Variants in GALNT13 observed in about 807,000 individuals in gnomAD.
GALNT13 encodes the protein UDP-GalNAc:polypeptide N-acetylgalactosaminyltransferase 13.
Under a neutral mutation model 64.2 loss-of-function variants are expected in GALNT13, and 28 were observed. That is an observed-to-expected ratio of 0.44 (90% CI 0.32 to 0.60). GALNT13 has a LOEUF of 0.60. Among genes scored for constraint, GALNT13 ranks in the 20% least tolerant of loss-of-function variants. GALNT13 has a pLI of 0.05. For synonymous variants in GALNT13, 214 were observed against 224.6 expected, an observed-to-expected ratio of 0.95 and a Z score of 0.42; for missense variants, 577 against 669.8, an observed-to-expected ratio of 0.86 and a Z score of 1.53.
intron 12 of GALNT13, among the ~76,000 whole-genome samples, chr2:154,449,863 G>T (rs1184977131): frequency 6.6e-6 from 1 of 151,832 alleles, no homozygotes. Flanking sequence ...CTATTGTAAG[G>T]ATTTTATCAA....
At chr2:153,290,590 T>A in the GALNT13 span, among the ~76,000 whole-genome samples, 1 of 152,184 alleles carries the variant, frequency 6.6e-6, no homozygotes, top group Non-Finnish European at 1.5e-5. Context: ...TCTCCTTATT[T>A]TGTTTATTGT....
chr2:153,790,745 C>T, the GALNT13 span, among the ~76,000 whole-genome samples: 1 of 152,318 alleles, frequency 6.6e-6, no homozygotes, highest in East Asian at 1.9e-4. Context: ...ATAAACACTT[C>T]AGCAAAGTTT....
chr2:154,425,477 A>G (rs894450539), intron 11 of GALNT13, among the ~76,000 whole-genome samples: 2 of 152,218 alleles, frequency 1.3e-5, no homozygotes, highest in Non-Finnish European at 2.9e-5. Context: ...ACTGGCATAA[A>G]GGGAAACTAT....
At chr2:153,152,985 C>G in the GALNT13 span, among the ~76,000 whole-genome samples, 1 of 152,282 alleles carries the variant, frequency 6.6e-6, no homozygotes, top group East Asian at 1.9e-4. Flanking sequence ...AATCACCACA[C>G]TGCCTTCCAC....
the GALNT13 span, among the ~76,000 whole-genome samples, chr2:153,147,933 A>G: frequency 6.6e-6 from 1 of 151,866 alleles, no homozygotes; most frequent in Non-Finnish European, 1.5e-5. Flanking sequence ...CCCAAGATCC[A>G]TTGTAGAACC....
chr2:153,737,997 A>G, the GALNT13 span, among the ~76,000 whole-genome samples: 1 of 151,994 alleles, frequency 6.6e-6, no homozygotes, highest in Non-Finnish European at 1.5e-5. Flanking sequence ...CTTGTGTTTA[A>G]CTATATCTAA....
chr2:153,519,833 T>A, the GALNT13 span, among the ~76,000 whole-genome samples: 1 of 152,176 alleles, frequency 6.6e-6, no homozygotes, highest in East Asian at 1.9e-4. Context: ...TTTGGGTTTG[T>A]TTTAGCACTT....
the GALNT13 span, chr2:153,593,280 G>C: frequency 6.6e-6 from 1 of 152,396 alleles, no homozygotes; most frequent in Non-Finnish European, 1.5e-5. Flanking sequence ...GTTTGCGTGA[G>C]AGCAGAGTGA....
chr2:154,389,616 G>A lies in GALNT13; in HGVS notation c.1157-6375G>A, dbSNP rs557343917. ...CATCTATTAGGGGAAGAATTTAACT[G>A]AAATAATTATTATCATTGAAATGCC... On this transcript the variant is annotated intron_variant, in intron 9 of 12. Coordinates refer to ENST00000392825, the MANE Select transcript of GALNT13 (RefSeq NM_052917.4). Among the ~76,000 whole-genome samples, 15 of 152,268 alleles carry A rather than the reference G, an allele frequency of 9.9e-5. No homozygotes were observed. In the South Asian group the frequency reaches 2.7e-3, roughly 27 times the overall value.
chr2:153,455,096 G>C, the GALNT13 span, among the ~76,000 whole-genome samples: 1 of 152,062 alleles, frequency 6.6e-6, no homozygotes, highest in Admixed American at 6.6e-5. Flanking sequence ...GGAAGGGTTG[G>C]GTAAGGAAGA....
At chr2:153,291,310 G>A in the GALNT13 span, among the ~76,000 whole-genome samples, 1 of 152,112 alleles carries the variant, frequency 6.6e-6, no homozygotes. Context: ...TATTAGTAGA[G>A]CAATGTTCAT....
At chr2:153,258,064 G>A in the GALNT13 span, among the ~76,000 whole-genome samples, 1 of 152,230 alleles carries the variant, frequency 6.6e-6, no homozygotes, top group Admixed American at 6.5e-5. Flanking sequence ...AGGTATTTGA[G>A]GGTACAAACC....
the GALNT13 span, among the ~76,000 whole-genome samples, chr2:153,660,968 C>G: frequency 2.0e-5 from 3 of 152,088 alleles, no homozygotes; most frequent in Non-Finnish European, 4.4e-5. Context: ...CAGTACTTCA[C>G]AGAGGAGGGA....
At chr2:154,031,883 A>T (rs1698361419) in intron 3 of GALNT13, among the ~76,000 whole-genome samples, 2 of 152,004 alleles carry the variant, frequency 1.3e-5, no homozygotes, top group Non-Finnish European at 2.9e-5. Context: ...AGTATAAAGA[A>T]GACCTGAGCA....
the GALNT13 span, among the ~76,000 whole-genome samples, chr2:153,834,103 C>A: frequency 6.6e-6 from 1 of 151,996 alleles, no homozygotes; most frequent in African/African-American, 2.4e-5. Flanking sequence ...GTCTTCACCC[C>A]CTTGTAAGGA....
chr2:154,437,571 A>C (rs1416986795), intron 11 of GALNT13: 1 of 1,284,194 alleles, frequency 7.8e-7, no homozygotes, highest in South Asian at 1.2e-5. Context: ...AATAACCCTC[A>C]TGAGGCTGGG....
chr2:154,244,494 T>TG (rs1290134278), intron 6 of GALNT13, among the ~76,000 whole-genome samples: 1 of 152,160 alleles, frequency 6.6e-6, no homozygotes, highest in Non-Finnish European at 1.5e-5. Context: ...GTGAAACTGG[T>TG]GTTACAAAAC....
chr2:153,524,282 T>C, the GALNT13 span, among the ~76,000 whole-genome samples: 1 of 152,264 alleles, frequency 6.6e-6, no homozygotes, highest in South Asian at 2.1e-4. Flanking sequence ...AATGTCTTTT[T>C]CTATGCTGGC....
the GALNT13 span, among the ~76,000 whole-genome samples, chr2:153,626,926 A>G: frequency 5.3e-5 from 8 of 152,260 alleles, 1 homozygote; most frequent in East Asian, 9.7e-4. Context: ...ATGCAATAAC[A>G]TATGTAATAA....
Sources: allele counts gnomAD v4.1 joint callset (sites outside exome capture counted in the v4.1 genomes callset), GRCh38; gene constraint gnomAD v4.1.1; transcripts MANE v1.5; gene names NCBI Gene and HGNC (gene_info 2026-07-23, HGNC 2026-07-21).